Variants in TCF12 observed in about 807,000 individuals in gnomAD.
TCF12 encodes the protein DNA-binding protein HTF4.
TCF12 carries 45 observed loss-of-function variants against 86.0 expected under a neutral mutation model. The observed-to-expected ratio is 0.52, with a 90% confidence interval of 0.41 to 0.67. The LOEUF is 0.67. TCF12 is among the 30% of genes least tolerant of loss of function. The pLI is 0.00. For missense variants in TCF12, 881 were observed against 859.9 expected (o/e 1.02, Z -0.31); for synonymous variants, 330 against 299.6 (o/e 1.10, Z -1.05).
At chr15:57,119,654 T>C (rs1335321864) in intron 5 of TCF12, among the ~76,000 whole-genome samples, 1 of 151,990 alleles carries the variant, frequency 6.6e-6, no homozygotes, top group African/African-American at 2.4e-5. Context: ...TCACTCCATA[T>C]GGATACTGTA....
intron 19 of TCF12, among the ~76,000 whole-genome samples, chr15:57,278,293 T>TA (rs2152118774): frequency 1.3e-5 from 2 of 152,280 alleles, no homozygotes; most frequent in Non-Finnish European, 2.9e-5. Context: ...AGAGAGCAAC[T>TA]AGTCCATTGA....
intron 5 of TCF12, among the ~76,000 whole-genome samples, chr15:57,159,414 A>G (rs546573005): frequency 2.0e-5 from 3 of 152,328 alleles, no homozygotes; most frequent in African/African-American, 7.2e-5. Context: ...ACAAAAGAGG[A>G]GCAGGTTCTC....
rs1193819419 is a variant in TCF12, at chr15:57,288,402, C to G, written c.*2257C>G. 4 of 152,524 alleles carry G rather than the reference C, an allele frequency of 2.6e-5. No individual in the cohort carries two copies. The highest frequency in any genetic ancestry group is 4.4e-5 in the Non-Finnish European group (3 of 68,030). 9.4% of individuals were successfully genotyped at this position (152,524 alleles called of 1,614,324 possible). ...CAAATTCAAGGTATTATTGATAAAC[C>G]TTTTCAACCAGCAGCAAGAAGTTCA... On this transcript the variant is annotated 3_prime_UTR_variant, in exon 21 of 21. Transcript: ENST00000333725.
intron 5 of TCF12, among the ~76,000 whole-genome samples, chr15:57,149,783 G>A (rs1381784629): frequency 6.6e-6 from 1 of 152,160 alleles, no homozygotes. Flanking sequence ...GTCTTTGTTT[G>A]TTGGAAAGTC....
At chr15:57,175,126 G>C (rs1374576027) in intron 6 of TCF12, among the ~76,000 whole-genome samples, 1 of 152,160 alleles carries the variant, frequency 6.6e-6, no homozygotes, top group African/African-American at 2.4e-5. Flanking sequence ...CAGGAGGATT[G>C]TTTGAGGCCA....
At chr15:57,156,680 C>T (rs567885974) in intron 5 of TCF12, among the ~76,000 whole-genome samples, 1 of 152,334 alleles carries the variant, frequency 6.6e-6, no homozygotes, top group South Asian at 2.1e-4. Flanking sequence ...ACGCAAACAA[C>T]ACAAGTCTGG....
chr15:57,143,864 T>G (rs2053170550), intron 5 of TCF12, among the ~76,000 whole-genome samples: 1 of 152,160 alleles, frequency 6.6e-6, no homozygotes, highest in African/African-American at 2.4e-5. Context: ...ATAGGCTACT[T>G]TGTGACAGTG....
chr15:57,066,751 G>A (rs572246202), intron 4 of TCF12, among the ~76,000 whole-genome samples: 15 of 152,166 alleles, frequency 9.9e-5, no homozygotes, highest in African/African-American at 2.9e-4. Flanking sequence ...AAACTATAAG[G>A]GAGAAACAAT....
intron 3 of TCF12, among the ~76,000 whole-genome samples, chr15:56,960,695 A>T (rs1390994680): frequency 2.6e-5 from 4 of 151,580 alleles, no homozygotes; most frequent in Non-Finnish European, 4.4e-5. Context: ...TTTCCAAAGT[A>T]TTGGGATTAC....
At chr15:57,185,965 C>G (rs578221698) in intron 6 of TCF12, among the ~76,000 whole-genome samples, 1 of 152,028 alleles carries the variant, frequency 6.6e-6, no homozygotes, top group Non-Finnish European at 1.5e-5. Flanking sequence ...AGAACAGTGT[C>G]AAATTACTAA....
chr15:56,960,024 G>A lies in TCF12; in HGVS notation c.148+38926G>A, dbSNP rs553760361. ...TTTTGCCTTTTTTAGTTAAAAAACC[G>A]CAGTTACTTTTGCACCAACCCAATA... On this transcript the variant is annotated intron_variant, in intron 3 of 20. Transcript: ENST00000333725. Among the ~76,000 whole-genome samples the A allele has an allele frequency of 3.9e-4, 59 of 152,124 alleles. 1 individual carries two copies. The highest frequency in any genetic ancestry group is 1.3e-3 in the African/African-American group (54 of 41,528).
intron 3 of TCF12, among the ~76,000 whole-genome samples, chr15:57,024,227 T>TA (rs1167013217): frequency 6.8e-6 from 1 of 146,124 alleles, no homozygotes; most frequent in Non-Finnish European, 1.5e-5. Flanking sequence ...TTTTTTTTTT[T>TA]TTTTTTTTTT....
At chr15:57,049,521 G>A (rs2067469868) in intron 3 of TCF12, among the ~76,000 whole-genome samples, 1 of 152,170 alleles carries the variant, frequency 6.6e-6, no homozygotes, top group African/African-American at 2.4e-5. Flanking sequence ...ATTTATCCAC[G>A]TTGTTGTGTG....
intron 4 of TCF12, chr15:57,072,647 T>TC (rs1567363424): frequency 1.5e-6 from 2 of 1,298,848 alleles, no homozygotes; most frequent in Non-Finnish European, 2.0e-6. Flanking sequence ...TGCCTCTTGA[T>TC]CTCAGGTACA....
chr15:57,225,219 G>GGT (rs1360494654), intron 8 of TCF12, among the ~76,000 whole-genome samples: 1 of 70,854 alleles, frequency 1.4e-5, no homozygotes, highest in African/African-American at 7.7e-5. Context: ...ACTGATATAT[G>GGT]CTTTTTTTTT....
At chr15:57,043,909 C>T (rs944122035) in intron 3 of TCF12, among the ~76,000 whole-genome samples, 3 of 151,748 alleles carry the variant, frequency 2.0e-5, no homozygotes, top group African/African-American at 4.8e-5. Flanking sequence ...CAGTTTTCCC[C>T]GTCATGCATT....
rs1037096350 is a variant in TCF12 at position 57,055,277 on chromosome 15, C to T, written c.149-8473C>T. The stretch of plus-strand genomic sequence containing the variant: ...ATTAGCCGAGTGTGGTGGCGCACGC[C>T]GGTAATCCCAGCTACTTGGGAGGCT... On this transcript the variant is annotated intron_variant, in intron 3 of 20. Coordinates refer to ENST00000333725, the MANE Select transcript of TCF12 (RefSeq NM_207037.2). Among the ~76,000 whole-genome samples the T allele has an allele frequency of 1.6e-4, 25 of 152,124 alleles. No individual in the cohort carries two copies. The East Asian group carries it at 1.7e-3, about 11-fold the overall frequency.
rs2061996441 is a variant in TCF12, at chr15:57,288,289, T to C, written c.*2144T>C. 1 of 152,630 alleles carries C rather than the reference T, an allele frequency of 6.6e-6. No individual in the cohort carries two copies. Among genetic ancestry groups the C allele is most frequent in the African/African-American group, 2.4e-5 (1 of 41,448 alleles). 9.5% of individuals were successfully genotyped at this position (152,630 alleles called of 1,614,324 possible). On this transcript the variant is annotated 3_prime_UTR_variant, in exon 21 of 21. Coordinates refer to ENST00000333725, the MANE Select transcript of TCF12 (RefSeq NM_207037.2). The stretch of plus-strand genomic sequence containing the variant: ...CATACCGTGTAGTACCTATGGAGTA[T>C]TGTAAGAGCTAATTGTTGGAGATGA...
At chr15:57,230,925 A>T (rs2059107593) in intron 8 of TCF12, among the ~76,000 whole-genome samples, 1 of 150,804 alleles carries the variant, frequency 6.6e-6, no homozygotes, top group African/African-American at 2.4e-5. Context: ...AGAGATATTT[A>T]GAGTAGTAGT....
Sources: allele counts gnomAD v4.1 joint callset (sites outside exome capture counted in the v4.1 genomes callset), GRCh38; gene constraint gnomAD v4.1.1; transcripts MANE v1.5; gene names NCBI Gene and HGNC (gene_info 2026-07-23, HGNC 2026-07-21).